The following MPPE1 variants were observed in gnomAD, a reference collection of about 807,000 sequenced individuals.
The protein encoded by MPPE1 is metallo phosphoesterase.
In MPPE1, 28 loss-of-function variants were observed where a neutral mutation model predicts 43.8. That is an observed-to-expected ratio of 0.64 (90% CI 0.47 to 0.88). The LOEUF is 0.88. MPPE1 is among the 40% of genes least tolerant of loss of function. MPPE1 has a pLI of 0.00. For synonymous variants in MPPE1, 159 were observed against 188.5 expected (o/e 0.84, Z 1.28); for missense variants, 428 against 492.2 (o/e 0.87, Z 1.23).
chr18:11,890,089 C>T (rs1040701002), intron 4 of MPPE1, among the ~76,000 whole-genome samples: 10 of 151,212 alleles, frequency 6.6e-5, no homozygotes, highest in Admixed American at 3.3e-4. Context: ...ACTACAGGCG[C>T]CCGCCACCAC....
At chr18:11,885,001 A>T in intron 10 of MPPE1, 1 of 1,301,046 alleles carries the variant, frequency 7.7e-7, no homozygotes. Flanking sequence ...AAGGAGGGAA[A>T]GGTGTCTTCC....
chr18:11,898,743 A>C (rs561768881), intron 2 of MPPE1, among the ~76,000 whole-genome samples: 171 of 152,180 alleles, frequency 1.1e-3, no homozygotes, highest in Non-Finnish European at 2.8e-4. Flanking sequence ...TCAGCACACA[A>C]GGACTGTTTT....
chr18:11,900,798 T>G (rs952189736), intron 2 of MPPE1, among the ~76,000 whole-genome samples: 4 of 150,758 alleles, frequency 2.7e-5, no homozygotes, highest in Non-Finnish European at 5.9e-5. Context: ...TCCCAGCTAC[T>G]CGGGAGGATG....
chr18:11,892,255 G>A (rs1030235719), intron 4 of MPPE1, among the ~76,000 whole-genome samples: 30 of 151,336 alleles, frequency 2.0e-4, no homozygotes, highest in African/African-American at 6.6e-4. Context: ...AGGGAGAATC[G>A]CTTGAACCCA....
intron 1 of MPPE1, among the ~76,000 whole-genome samples, chr18:11,907,524 GAGT>G (rs1338795418): frequency 1.8e-5 from 2 of 111,952 alleles, no homozygotes; most frequent in Non-Finnish European, 3.5e-5. Context: ...ATATTTTATA[GAGT>G]TTTGACTTTT....
At position 11,889,451 on chromosome 18, in the gene MPPE1, T is replaced by C. The variant is rs2037714887; in HGVS notation, c.430A>G (p.Arg144Gly). ...DDVERFQKMF[R>G]HPSHVQLKVV... is the part of the protein sequence containing the mutation. ...TTCAGCTGTACATGACTTGGGTGTCTGAACATTTTCTGAAACCGCTCCACA... is the reference window on the plus strand; with the variant it reads ...TTCAGCTGTACATGACTTGGGTGTCCGAACATTTTCTGAAACCGCTCCACA... The change falls in exon 5 of 11, where the codon AGA becomes GGA. Residue 144 changes from arginine to glycine, a missense_variant. Around this residue, in one of 3 missense-constraint regions of MPPE1, gnomAD observed 379 missense variants for 402.5 expected, o/e 0.94. Coordinates refer to ENST00000588072, the MANE Select transcript of MPPE1 (RefSeq NM_023075.6). 3 of 1,613,358 alleles carry C rather than the reference T, an allele frequency of 1.9e-6. No homozygotes were observed. The highest frequency in any genetic ancestry group is 2.2e-5 in the South Asian group (2 of 90,968).
At chr18:11,899,435 T>C (rs1253382394) in intron 2 of MPPE1, among the ~76,000 whole-genome samples, 3 of 152,244 alleles carry the variant, frequency 2.0e-5, no homozygotes, top group Non-Finnish European at 2.9e-5. Flanking sequence ...TATTTATGTA[T>C]AGTGGCTTCT....
chr18:11,886,871 G>T lies in MPPE1; in HGVS notation c.678+46C>A, dbSNP rs1464302336. On this transcript the variant is annotated intron_variant, in intron 7 of 10. Coordinates refer to ENST00000588072, the MANE Select transcript of MPPE1 (RefSeq NM_023075.6). This position sits in a 1 kb window ranked among gnomAD's most constrained non-coding sequence, Gnocchi z 4.1. ...GGGCTGAGTGAGCAACCGAAGCGGA[G>T]CAACACGGGACAGAAGGCACCTGTG... is the stretch of plus-strand genomic sequence containing the variant. The T allele has an allele frequency of 6.3e-7, 1 of 1,596,472 alleles. No homozygotes were observed. Among genetic ancestry groups the T allele is most frequent in the Non-Finnish European group, 8.6e-7 (1 of 1,167,280 alleles).
At chr18:11,890,226 G>T (rs974948825) in intron 4 of MPPE1, among the ~76,000 whole-genome samples, 15 of 151,694 alleles carry the variant, frequency 9.9e-5, no homozygotes, top group African/African-American at 3.1e-4. Flanking sequence ...ACAGGCGTGA[G>T]CCACCACACT....
intron 2 of MPPE1, among the ~76,000 whole-genome samples, chr18:11,903,594 T>C (rs925226303): frequency 2.3e-4 from 35 of 152,058 alleles, no homozygotes; most frequent in South Asian, 1.2e-3. Context: ...ATCACAAGGT[T>C]AGGAGATCGA....
rs751348255 is a variant in MPPE1 at position 11,886,985 on chromosome 18, A to G, written c.610T>C (p.Cys204Arg). 12 of 1,613,872 alleles carry G rather than the reference A, an allele frequency of 7.4e-6. No individual in the cohort carries two copies. In the East Asian group the frequency reaches 2.0e-4, roughly 27 times the overall value. Reference sequence around the variant, plus strand: ...GCTTCTGTTTCAGAGCAGATGCCACAGCCATCCCCGTTCAGCGCCACGCTG... The same window carrying G: ...GCTTCTGTTTCAGAGCAGATGCCACGGCCATCCCCGTTCAGCGCCACGCTG... Reference protein sequence around the residue: ...VNSVALNGDGCGICSETEAEL... With the variant: ...VNSVALNGDGRGICSETEAEL... The change falls in exon 7 of 11, where the codon TGT (cysteine) becomes CGT (arginine). Residue 204 changes from cysteine (C) to arginine (R), a missense_variant. Coordinates refer to ENST00000588072, the MANE Select transcript of MPPE1 (RefSeq NM_023075.6). This position sits in a 1 kb window ranked among gnomAD's most constrained non-coding sequence, Gnocchi z 4.1.
Position 11,900,671 on chromosome 18 carries a change from G to A in MPPE1, c.-92-3315C>T, listed in dbSNP as rs1249208873. ...ACCTGTAATCCCAGCACTTTGGGAG[G>A]CCAAGGTGGGCAGATCACGAGGTCA... On this transcript the variant is annotated intron_variant, in intron 2 of 10. Coordinates refer to ENST00000588072, the MANE Select transcript of MPPE1 (RefSeq NM_023075.6). Among the ~76,000 whole-genome samples, 6 of 152,126 alleles carry A rather than the reference G, an allele frequency of 3.9e-5. No individual in the cohort carries two copies. The South Asian group carries it at 6.2e-4, about 16-fold the overall frequency.
chr18:11,892,671 CAAAA>C (rs1223284738), intron 4 of MPPE1, among the ~76,000 whole-genome samples: 1 of 116,346 alleles, frequency 8.6e-6, no homozygotes, highest in South Asian at 2.8e-4. Context: ...AACTCCATCT[CAAAA>C]AAAAAAAAAA....
Position 11,886,264 on chromosome 18 carries a change from A to G in MPPE1, c.867+235T>C. The G allele has an allele frequency of 1.8e-6, 1 of 550,476 alleles. No individual in the cohort carries two copies. The highest frequency in any genetic ancestry group is 3.2e-6 in the Non-Finnish European group (1 of 313,506). 34.1% of individuals were successfully genotyped at this position (550,476 alleles called of 1,614,324 possible). A position where few individuals can be genotyped will look rare whatever the true frequency, so the allele number is the denominator to read the frequency against. On this transcript the variant is annotated intron_variant, in intron 9 of 10. Coordinates refer to ENST00000588072, the MANE Select transcript of MPPE1 (RefSeq NM_023075.6). This position sits in a 1 kb window ranked among gnomAD's most constrained non-coding sequence, Gnocchi z 4.1. ...CTGAATACAAAGAATAGCTGAGACT[A>G]TTACTGACTTGAGGGTAGGAAACAG...
intron 3 of MPPE1, among the ~76,000 whole-genome samples, chr18:11,896,428 C>T (rs1057179922): frequency 3.3e-5 from 5 of 152,118 alleles, no homozygotes; most frequent in African/African-American, 1.2e-4. Context: ...AAAAAGCTTC[C>T]TGGTGAAAAA....
Position 11,906,896 on chromosome 18 carries a change from GTATT to G in MPPE1, c.-199-591_-199-588del, listed in dbSNP as rs200029288. The stretch of plus-strand genomic sequence containing the variant: ...AATTTATCTTTGAACTTTTCAATTT[GTATT>G]TATTTATTTATTTATTTTTAGAGAT... On this transcript the variant is annotated intron_variant, in intron 1 of 10. Coordinates refer to ENST00000588072, the MANE Select transcript of MPPE1 (RefSeq NM_023075.6). Among the ~76,000 whole-genome samples, 1,085 of 151,106 alleles carry G rather than the reference GTATT, an allele frequency of 7.2e-3. 13 individuals carry two copies. Among genetic ancestry groups the G allele is most frequent in the African/African-American group, 0.025 (1,038 of 41,068 alleles).
chr18:11,889,422 T>C lies in MPPE1; in HGVS notation c.459A>G (p.Val153=). 1 of 1,613,128 alleles carries C rather than the reference T, an allele frequency of 6.2e-7. No homozygotes were observed. The highest frequency in any genetic ancestry group is 8.5e-7 in the Non-Finnish European group (1 of 1,179,528). Residue 153 remains valine (V), a synonymous_variant, in exon 5 of 11, where the codon GTA becomes GTG. Transcript: ENST00000588072. ...AGCCAATGTCATGGTTTCCAGCAAC[T>C]ACCTTCAGCTGTACATGACTTGGGT... The part of the protein sequence containing the change: ...FRHPSHVQLK[V]VAGNHDIGFH...
In MPPE1 at chr18:11,889,469, G is replaced by A. The variant is rs145387433; in HGVS notation, c.412C>T (p.Arg138Trp). 255 of 1,612,590 alleles carry A rather than the reference G, an allele frequency of 1.6e-4. No homozygotes were observed. Among genetic ancestry groups the A allele is most frequent in the Non-Finnish European group, 2.0e-4 (237 of 1,179,328 alleles). ...GGGTGTCTGAACATTTTCTGAAACCGCTCCACATCATCCGCCCAGGCCTGA... is the reference window on the plus strand; with the variant it reads ...GGGTGTCTGAACATTTTCTGAAACCACTCCACATCATCCGCCCAGGCCTGA... ...TPEAWADDVE[R>W]FQKMFRHPSH... Residue 138 changes from arginine (R) to tryptophan (W), a missense_variant, in exon 5 of 11, where the codon CGG becomes TGG. By Grantham distance (101) the Arg-to-Trp change is moderately radical. This residue lies in a region of MPPE1 where 379 missense variants were observed against 402.5 expected (regional missense o/e 0.94). Transcript: ENST00000588072.
At chr18:11,896,526 C>G (rs1423947315) in intron 3 of MPPE1, among the ~76,000 whole-genome samples, 1 of 152,192 alleles carries the variant, frequency 6.6e-6, no homozygotes, top group Admixed American at 6.5e-5. Context: ...TGCTCTGCTC[C>G]TCTGCTGCCT....
Sources: allele counts gnomAD v4.1 joint callset (sites outside exome capture counted in the v4.1 genomes callset), GRCh38; gene constraint gnomAD v4.1.1; regional missense constraint gnomAD v4.1.1; non-coding constraint Gnocchi (gnomAD v3.1); transcripts MANE v1.5; gene names NCBI Gene and HGNC (gene_info 2026-07-23, HGNC 2026-07-21).